The following SYNE1 variants were observed in gnomAD, a reference collection of about 807,000 sequenced individuals.
SYNE1 encodes the protein spectrin repeat containing nuclear envelope protein 1.
A neutral mutation model predicts 1,111.0 loss-of-function variants in SYNE1; 616 were observed. The ratio of observed to expected loss-of-function variants is 0.55; its 90% CI spans 0.52 to 0.59. The LOEUF (loss-of-function observed/expected upper bound fraction) is 0.59, where lower values mean the gene tolerates loss of function less well. SYNE1 is among the 20% of genes least tolerant of loss of function. The pLI, the probability that SYNE1 is intolerant of heterozygous loss-of-function variation, is 0.00. For missense variants in SYNE1, 10,006 were observed against 10,417.0 expected (o/e 0.96, Z 1.72); for synonymous variants, 3,855 against 3,825.8 (o/e 1.01, Z -0.28).
chr6:152,399,531 C>T, intron 48 of SYNE1, 85 bp downstream of exon 48: 1 of 1,537,994 alleles, frequency 6.5e-7, no homozygotes, highest in Non-Finnish European at 9.0e-7. Flanking sequence ...TTTCCTCAAA[C>T]TTTTGCTGGC....
At position 152,146,077 on chromosome 6, in the gene SYNE1, T is replaced by C. The variant is rs146794998; in HGVS notation, c.24976+1968A>G. The stretch of plus-strand genomic sequence containing the variant: ...AACTCACAGTGACTGAGAGTGTTTT[T>C]ATGAGCCAGGCTCTGGTCTGAGCAC... On this transcript the variant is annotated intron_variant, in intron 137 of 145. Transcript: ENST00000367255. 303 of 169,976 alleles carry C rather than the reference T, an allele frequency of 1.8e-3. 7 individuals are homozygous for C. The highest frequency in any genetic ancestry group is 0.015 in the Admixed American group (275 of 18,034). The allele number at this position is 169,976 out of a possible 1,614,324, so 10.5% of individuals were successfully genotyped here. A position where few individuals can be genotyped will look rare whatever the true frequency, so the allele number is the denominator to read the frequency against.
chr6:152,148,047 G>T lies in SYNE1; in HGVS notation c.24974C>A (p.Ser8325Ter). The stretch of plus-strand genomic sequence containing the variant: ...AAACTGGAGAGGCTCTTTCCTACCT[G>T]ATAAGCCAACAGCTCCCCGGAGGTA... ...DFYLRGAVGL[S>*]GDHSALESQI... Residue 8325 changes from serine to a stop codon, truncating the protein, a stop_gained and splice_region_variant, in exon 137 of 146, where the codon TCA becomes TAA. Coordinates refer to ENST00000367255, the MANE Select transcript of SYNE1 (RefSeq NM_182961.4). LOFTEE classifies it high-confidence loss of function. The surrounding 1 kb of genome is among the most constrained non-coding windows in gnomAD (Gnocchi z 4.1). The T allele has an allele frequency of 6.2e-7, 1 of 1,613,654 alleles. No homozygotes were observed. Among genetic ancestry groups the T allele is most frequent in the South Asian group, 1.1e-5 (1 of 91,056 alleles).
intron 29 of SYNE1, among the ~76,000 whole-genome samples, 169 bp from the exon 30 acceptor site, chr6:152,444,747 A>G (rs2098562140): frequency 6.6e-6 from 1 of 152,162 alleles, no homozygotes; most frequent in South Asian, 2.1e-4. Context: ...GTCATCTCAC[A>G]TATTTCTCCT....
intron 10 of SYNE1, among the ~76,000 whole-genome samples, chr6:152,499,139 A>G (rs149425145): frequency 1.2e-4 from 19 of 152,270 alleles, no homozygotes; most frequent in African/African-American, 4.3e-4. Flanking sequence ...ATAAATATAC[A>G]CAGCACACAT....
At chr6:152,276,884 T>A (rs1477934698) in intron 98 of SYNE1, among the ~76,000 whole-genome samples, 4 of 143,938 alleles carry the variant, frequency 2.8e-5, no homozygotes, top group Admixed American at 2.8e-4. Flanking sequence ...CACTCTTTTT[T>A]TTTTTTTTTT....
chr6:152,399,915 T>G (rs1170327819), intron 47 of SYNE1, 92 bp from the exon 48 acceptor site: 1 of 1,380,072 alleles, frequency 7.2e-7, no homozygotes, highest in Non-Finnish European at 1.0e-6. Flanking sequence ...AATCTGAAAT[T>G]GACATTGTTG....
At chr6:152,359,240 A>G in intron 65 of SYNE1, 75 bp downstream of exon 65, 1 of 1,594,284 alleles carries the variant, frequency 6.3e-7, no homozygotes, top group Non-Finnish European at 8.6e-7. Flanking sequence ...TCTTGAACAT[A>G]AATGAGTCTT....
intron 63 of SYNE1, among the ~76,000 whole-genome samples, chr6:152,364,084 C>T (rs761982369): frequency 3.3e-5 from 5 of 152,092 alleles, no homozygotes; most frequent in East Asian, 1.9e-4. Flanking sequence ...ATGCTGTTCT[C>T]GTGATAGTCA....
chr6:152,522,626 T>A (rs2099145348), intron 5 of SYNE1, among the ~76,000 whole-genome samples: 1 of 152,062 alleles, frequency 6.6e-6, no homozygotes, highest in South Asian at 2.1e-4. Flanking sequence ...CTTTAAGAAA[T>A]CATACCGTTT....
intron 3 of SYNE1, among the ~76,000 whole-genome samples, chr6:152,589,533 A>C (rs1387083498): frequency 6.6e-6 from 1 of 152,190 alleles, no homozygotes; most frequent in African/African-American, 2.4e-5. Flanking sequence ...ACAATGTTAA[A>C]GGTACAAAAA....
chr6:152,232,185 C>T lies in SYNE1; in HGVS notation c.20793G>A (p.Gln6931=). The change falls in exon 113 of 146, where the codon CAG becomes CAA. Residue 6931 remains glutamine (Q), a synonymous_variant. Transcript: ENST00000367255. ...SWISLMENVI[Q]KDEDNIKNSI... is the part of the protein sequence containing the mutation. ...AATTTTTAATATTATCTTCATCCTTCTGAATAACATTTTCCATTAGAGAAA... is the reference window on the plus strand; with the variant it reads ...AATTTTTAATATTATCTTCATCCTTTTGAATAACATTTTCCATTAGAGAAA... 7 of 1,611,666 alleles carry T rather than the reference C, an allele frequency of 4.3e-6. No individual in the cohort carries two copies. The highest frequency in any genetic ancestry group is 5.9e-6 in the Non-Finnish European group (7 of 1,177,806).
chr6:152,334,020 T>A lies in SYNE1; in HGVS notation c.12782A>T (p.Asp4261Val). The A allele has an allele frequency of 1.2e-6, 2 of 1,614,166 alleles. No individual in the cohort carries two copies. Among genetic ancestry groups the A allele is most frequent in the Non-Finnish European group, 1.7e-6 (2 of 1,180,024 alleles). The change falls in exon 77 of 146, where the codon GAT (aspartate) becomes GTT (valine). Residue 4261 changes from aspartate to valine, a missense_variant. By Grantham distance (152) the Asp-to-Val change is radical. Around this residue, in one of 7 missense-constraint regions of SYNE1, gnomAD observed 4,955 missense variants for 5,017.2 expected, o/e 0.99. Transcript: ENST00000367255. ...GAATTTCTGTTACCTGGCCAAGTTA[T>A]CCCATTCTGTAGTAAATTTTTCTAG... ...VFLEKFTTEW[D>V]NLARSDAEST...
chr6:152,347,074 G>A lies in SYNE1; in HGVS notation c.12063C>T (p.Cys4021=). 1.2e-6 allele frequency: 2 copies of A among 1,614,184 alleles called. No individual in the cohort carries two copies. Among genetic ancestry groups the A allele is most frequent in the Non-Finnish European group, 1.7e-6 (2 of 1,180,036 alleles). ...GGGCACTCACCCTCTGAGCTGTGCT[G>A]CAGATCGCTGAGTAGCTGTCCTTTG... is the stretch of plus-strand genomic sequence containing the variant. ...QGTKDSYSAI[C]STAQRMYQSL... is the part of the protein sequence containing the mutation. Residue 4021 remains cysteine (C), a synonymous_variant, in exon 73 of 146, where the codon TGC becomes TGT. Coordinates refer to ENST00000367255, the MANE Select transcript of SYNE1 (RefSeq NM_182961.4).
intron 49 of SYNE1, among the ~76,000 whole-genome samples, chr6:152,397,693 T>C (rs2097756990): frequency 6.6e-6 from 1 of 152,170 alleles, no homozygotes; most frequent in African/African-American, 2.4e-5. Context: ...CTCATGGTTC[T>C]CATTAGCTTT....
At chr6:152,390,009 T>A (rs920640420) in intron 53 of SYNE1, among the ~76,000 whole-genome samples, 1 of 152,168 alleles carries the variant, frequency 6.6e-6, no homozygotes, top group African/African-American at 2.4e-5. Context: ...AAAGGAGATG[T>A]TTTGCTGAGC....
chr6:152,240,196 A>C (rs1254733933), intron 107 of SYNE1, among the ~76,000 whole-genome samples: 1 of 152,160 alleles, frequency 6.6e-6, no homozygotes, highest in Non-Finnish European at 1.5e-5. Context: ...AAACACAGGG[A>C]AAGGTAGAGG....
chr6:152,197,314 A>G (rs1168387235), intron 127 of SYNE1, among the ~76,000 whole-genome samples: 1 of 152,242 alleles, frequency 6.6e-6, no homozygotes, highest in African/African-American at 2.4e-5. Flanking sequence ...CAGGGAGAAC[A>G]GTCAGTGGAG....
At chr6:152,443,447 G>C (rs1025162086) in intron 30 of SYNE1, among the ~76,000 whole-genome samples, 2 of 152,100 alleles carry the variant, frequency 1.3e-5, no homozygotes. Context: ...TGTATATTTA[G>C]TAGAGACGGG....
In SYNE1 at chr6:152,156,102, A is replaced by C; in HGVS notation, c.23791-5T>G. ...CTCTATGTCTCTCTGAAGCTCCTGC[A>C]GGGGAACGTAACAGGCTTTATTCAA... On this transcript the variant is annotated splice_region_variant and splice_polypyrimidine_tract_variant and intron_variant, in intron 131 of 145. Coordinates refer to ENST00000367255, the MANE Select transcript of SYNE1 (RefSeq NM_182961.4). The C allele has an allele frequency of 6.2e-7, 1 of 1,614,168 alleles. No homozygotes were observed. The highest frequency in any genetic ancestry group is 8.5e-7 in the Non-Finnish European group (1 of 1,180,018).
Sources: allele counts gnomAD v4.1 joint callset (sites outside exome capture counted in the v4.1 genomes callset), GRCh38; gene constraint gnomAD v4.1.1; regional missense constraint gnomAD v4.1.1; non-coding constraint Gnocchi (gnomAD v3.1); transcripts MANE v1.5; gene names NCBI Gene and HGNC (gene_info 2026-07-23, HGNC 2026-07-21).